The following DENND4C variants were observed in gnomAD, a reference collection of about 807,000 sequenced individuals.
DENND4C encodes DENN domain containing 4C, also known as DENN domain-containing protein 4C.
DENND4C carries 108 observed loss-of-function variants against 203.0 expected under a neutral mutation model. The observed-to-expected ratio is 0.53, with a 90% confidence interval of 0.46 to 0.62. DENND4C has a LOEUF of 0.62. Among genes scored for constraint, DENND4C ranks in the 20% least tolerant of loss-of-function variants. The pLI is 0.00. For synonymous variants in DENND4C, 871 were observed against 792.4 expected (o/e 1.10, Z -1.67); for missense variants, 2,481 against 2,301.2 (o/e 1.08, Z -1.60).
chr9:19,254,146 A>G (rs1409945121), intron 1 of DENND4C, among the ~76,000 whole-genome samples: 2 of 152,212 alleles, frequency 1.3e-5, no homozygotes, highest in African/African-American at 4.8e-5. Context: ...GGGAATGTAA[A>G]TTGGAACAGC....
chr9:19,255,678 A>G (rs769232558), intron 1 of DENND4C, among the ~76,000 whole-genome samples: 22 of 152,206 alleles, frequency 1.4e-4, no homozygotes, highest in Non-Finnish European at 2.9e-4. Context: ...GGATATAACA[A>G]TTCTTAATGT....
intron 1 of DENND4C, among the ~76,000 whole-genome samples, chr9:19,271,311 T>C (rs1438580233): frequency 2.0e-5 from 3 of 151,530 alleles, no homozygotes; most frequent in Non-Finnish European, 1.5e-5. Context: ...GTGATTCTCA[T>C]GCCTCAGCGT....
rs1840022208 is a variant in DENND4C, at chr9:19,307,952, A to G, written c.1487+2425A>G. Among the ~76,000 whole-genome samples, 6 of 151,980 alleles carry G rather than the reference A, an allele frequency of 3.9e-5. No homozygotes were observed. The South Asian group carries it at 8.3e-4, about 21-fold the overall frequency. The stretch of plus-strand genomic sequence containing the variant: ...TATCACATACATGTATTTTTCAAAC[A>G]TTTATTATATATATATTAATCTAAA... On this transcript the variant is annotated intron_variant, in intron 10 of 32. Transcript: ENST00000434457.
chr9:19,263,929 G>T (rs1829960712), intron 1 of DENND4C, among the ~76,000 whole-genome samples: 1 of 152,098 alleles, frequency 6.6e-6, no homozygotes. Context: ...CAAAGTGCTG[G>T]AATTACAGGT....
At chr9:19,365,639 T>C (rs2132279866) in intron 30 of DENND4C, among the ~76,000 whole-genome samples, 1 of 149,908 alleles carries the variant, frequency 6.7e-6, no homozygotes, top group Admixed American at 6.7e-5. Flanking sequence ...TTTTTCTATA[T>C]ATATAATATA....
rs527331652 is a variant in DENND4C, at chr9:19,357,259, A to G, written c.4964+105A>G. ...GACTCATATAGGCATAAGTTCTGGCATTTAAGAGTACATCTTAACTTATTA... is the reference window on the plus strand; with the variant it reads ...GACTCATATAGGCATAAGTTCTGGCGTTTAAGAGTACATCTTAACTTATTA... On this transcript the variant is annotated intron_variant, in intron 27 of 32. Coordinates refer to ENST00000434457, the MANE Select transcript of DENND4C (RefSeq NM_001330640.2). 2.8e-6 allele frequency: 3 copies of G among 1,083,760 alleles called. No individual in the cohort carries two copies. The East Asian group carries it at 7.7e-5, about 28-fold the overall frequency. 67.1% of individuals were successfully genotyped at this position (1,083,760 alleles called of 1,614,324 possible).
chr9:19,262,945 C>G (rs903816908), intron 1 of DENND4C, among the ~76,000 whole-genome samples: 1 of 152,182 alleles, frequency 6.6e-6, no homozygotes, highest in Non-Finnish European at 1.5e-5. Flanking sequence ...CTTATGTAAT[C>G]GCTCTAGCTA....
At chr9:19,247,027 C>G (rs986824497) in intron 1 of DENND4C, among the ~76,000 whole-genome samples, 2 of 152,168 alleles carry the variant, frequency 1.3e-5, no homozygotes, top group Non-Finnish European at 2.9e-5. Context: ...ACTGAAATCA[C>G]TCTTGTCAGT....
At chr9:19,287,742 T>C (rs1835480307) in intron 3 of DENND4C, among the ~76,000 whole-genome samples, 1 of 151,870 alleles carries the variant, frequency 6.6e-6, no homozygotes. Context: ...CATACTTATT[T>C]TTTTTTTTCA....
chr9:19,312,722 CTTAA>C (rs1840987703), intron 10 of DENND4C, among the ~76,000 whole-genome samples: 1 of 152,072 alleles, frequency 6.6e-6, no homozygotes, highest in Non-Finnish European at 1.5e-5. Flanking sequence ...GCTTTATGTA[CTTAA>C]TTAAGGCTGT....
intron 1 of DENND4C, among the ~76,000 whole-genome samples, chr9:19,258,218 A>C (rs892467075): frequency 2.0e-5 from 3 of 152,192 alleles, no homozygotes; most frequent in African/African-American, 7.2e-5. Context: ...TAGTTTAAAA[A>C]TCTACCCGCA....
At chr9:19,239,959 TA>T (rs2131427031) in intron 1 of DENND4C, among the ~76,000 whole-genome samples, 1 of 152,328 alleles carries the variant, frequency 6.6e-6, no homozygotes, top group Non-Finnish European at 1.5e-5. Context: ...AGATCTTACA[TA>T]TTTTTAATAA....
At position 19,347,018 on chromosome 9, in the gene DENND4C, C is replaced by G. The variant is rs1823059922; in HGVS notation, c.4249C>G (p.Gln1417Glu). The change falls in exon 23 of 33, where the codon CAA becomes GAA. Residue 1417 changes from glutamine to glutamate, a missense_variant. By Grantham distance (29) the Gln-to-Glu change is conservative. Around this residue, in one of 3 missense-constraint regions of DENND4C, gnomAD observed 2,289 missense variants for 2,113.3 expected, o/e 1.08. Coordinates refer to ENST00000434457, the MANE Select transcript of DENND4C (RefSeq NM_001330640.2). ...KIDVLKSGMK[Q>E]AATVASKMWV... ...AGATGTCCTGAAATCTGGTATGAAACAAGCAGCGACAGTAGCCAGTAAGAT... is the reference window on the plus strand; with the variant it reads ...AGATGTCCTGAAATCTGGTATGAAAGAAGCAGCGACAGTAGCCAGTAAGAT... 6.2e-7 allele frequency: 1 copy of G among 1,614,022 alleles called. No homozygotes were observed. The highest frequency in any genetic ancestry group is 1.1e-5 in the South Asian group (1 of 91,084).
At chr9:19,332,398 C>T (rs1035383087) in intron 17 of DENND4C, among the ~76,000 whole-genome samples, 3 of 151,882 alleles carry the variant, frequency 2.0e-5, no homozygotes, top group African/African-American at 7.3e-5. Context: ...ACTCTGTCAC[C>T]CAGGCTGGAG....
chr9:19,340,586 C>T (rs1052965104), intron 20 of DENND4C, among the ~76,000 whole-genome samples: 7 of 152,154 alleles, frequency 4.6e-5, no homozygotes, highest in African/African-American at 1.2e-4. Flanking sequence ...TTCCCCCCAA[C>T]CCTGGTAGGT....
Position 19,281,446 on chromosome 9 carries a change from G to A in DENND4C, c.305+4967G>A, listed in dbSNP as rs377609752. Among the ~76,000 whole-genome samples the A allele has an allele frequency of 3.3e-5, 5 of 152,210 alleles. No individual in the cohort carries two copies. The East Asian group carries it at 7.7e-4, about 23-fold the overall frequency. ...GGGTTTGGAAAACCTATTAGCTTCT[G>A]TATTTATAGTAGGAAAGCCTATTAG... On this transcript the variant is annotated intron_variant, in intron 2 of 32. Transcript: ENST00000434457.
intron 2 of DENND4C, among the ~76,000 whole-genome samples, chr9:19,276,963 C>A (rs1169999001): frequency 6.6e-6 from 1 of 151,624 alleles, no homozygotes; most frequent in Admixed American, 6.6e-5. Context: ...ATAAGTGCTA[C>A]AGTTTTCATG....
chr9:19,293,106 A>G (rs1441264344), intron 5 of DENND4C, among the ~76,000 whole-genome samples: 1 of 152,238 alleles, frequency 6.6e-6, no homozygotes, highest in East Asian at 1.9e-4. Context: ...ATAATCATTT[A>G]CAATTTCTCC....
Position 19,357,115 on chromosome 9 carries a change from A to G in DENND4C, c.4925A>G (p.Gln1642Arg). ...INFMDFPKHN[Q>R]IITEETGSAV... Reference sequence around the variant, plus strand: ...TTTATGGACTTCCCAAAACATAACCAGATCATAACTGAAGAAACAGGCTCT... The same window carrying G: ...TTTATGGACTTCCCAAAACATAACCGGATCATAACTGAAGAAACAGGCTCT... Residue 1642 changes from glutamine (Q) to arginine (R), a missense_variant, in exon 27 of 33, where the codon CAG (glutamine) becomes CGG (arginine). Gln to Arg is a conservative substitution (Grantham distance 43, BLOSUM62 1). Coordinates refer to ENST00000434457, the MANE Select transcript of DENND4C (RefSeq NM_001330640.2). 3 of 1,613,950 alleles carry G rather than the reference A, an allele frequency of 1.9e-6. No individual in the cohort carries two copies. Among genetic ancestry groups the G allele is most frequent in the Non-Finnish European group, 2.5e-6 (3 of 1,179,868 alleles).
Sources: allele counts gnomAD v4.1 joint callset (sites outside exome capture counted in the v4.1 genomes callset), GRCh38; gene constraint gnomAD v4.1.1; regional missense constraint gnomAD v4.1.1; transcripts MANE v1.5; gene names NCBI Gene and HGNC (gene_info 2026-07-23, HGNC 2026-07-21).